The following C8orf34 variants were observed in gnomAD, a reference collection of about 807,000 sequenced individuals.
C8orf34 encodes chromosome 8 open reading frame 34.
In C8orf34, 65 loss-of-function variants were observed where a neutral mutation model predicts 68.3. The observed-to-expected ratio is 0.95, with a 90% CI of 0.78 to 1.17. The LOEUF (loss-of-function observed/expected upper bound fraction) is 1.17, where lower values mean the gene tolerates loss of function less well. Ranked by LOEUF, C8orf34 falls within the 50% of genes most tolerant of loss-of-function variation. The pLI is 0.00. For missense variants in C8orf34, 664 were observed against 655.4 expected (o/e 1.01, Z -0.14); for synonymous variants, 244 against 241.2 (o/e 1.01, Z -0.11).
chr8:68,813,999 G>A (rs1563684486), intron 12 of C8orf34, among the ~76,000 whole-genome samples: 2 of 152,138 alleles, frequency 1.3e-5, no homozygotes, highest in South Asian at 2.1e-4. Flanking sequence ...TCTGCTATCT[G>A]TCACAAACCT....
At chr8:68,465,536 G>T (rs1418897717) in intron 3 of C8orf34, among the ~76,000 whole-genome samples, 1 of 152,044 alleles carries the variant, frequency 6.6e-6, no homozygotes, top group Non-Finnish European at 1.5e-5. Flanking sequence ...CAATAGCAAA[G>T]TCTTGGAACC....
At chr8:68,519,455 G>C (rs1332093366) in intron 5 of C8orf34, among the ~76,000 whole-genome samples, 2 of 152,122 alleles carry the variant, frequency 1.3e-5, no homozygotes, top group Non-Finnish European at 2.9e-5. Context: ...TATTTTAAAA[G>C]CCTGCAAAGC....
At chr8:68,773,786 G>A (rs1304022044) in intron 10 of C8orf34, among the ~76,000 whole-genome samples, 1 of 152,088 alleles carries the variant, frequency 6.6e-6, no homozygotes, top group African/African-American at 2.4e-5. Context: ...TATGGCCCTT[G>A]AAACAAATGG....
intron 1 of C8orf34, among the ~76,000 whole-genome samples, chr8:68,367,643 A>C (rs1177575648): frequency 7.2e-6 from 1 of 139,574 alleles, no homozygotes; most frequent in South Asian, 2.4e-4. Flanking sequence ...GTAAACTATC[A>C]CAAGAACAAA....
chr8:68,811,410 C>G (rs1435715278), intron 12 of C8orf34, among the ~76,000 whole-genome samples: 1 of 152,238 alleles, frequency 6.6e-6, no homozygotes, highest in African/African-American at 2.4e-5. Context: ...CGTGACTGAA[C>G]AGCTGCACCT....
intron 8 of C8orf34, among the ~76,000 whole-genome samples, chr8:68,693,399 G>C (rs759888113): frequency 2.0e-5 from 3 of 152,002 alleles, no homozygotes; most frequent in Non-Finnish European, 4.4e-5. Flanking sequence ...CTACTTACTA[G>C]GTATATAACT....
intron 8 of C8orf34, among the ~76,000 whole-genome samples, chr8:68,668,665 A>G (rs953789773): frequency 1.3e-5 from 2 of 152,202 alleles, no homozygotes; most frequent in Admixed American, 6.5e-5. Context: ...CAGAGCTGAC[A>G]TTAAGATGGA....
chr8:68,814,479 C>T (rs1242554648), intron 12 of C8orf34, among the ~76,000 whole-genome samples: 5 of 152,190 alleles, frequency 3.3e-5, no homozygotes, highest in Non-Finnish European at 7.4e-5. Context: ...TAACAATTCA[C>T]CAAGTTCTCC....
intron 7 of C8orf34, among the ~76,000 whole-genome samples, chr8:68,588,152 T>G (rs2130403812): frequency 6.6e-6 from 1 of 152,220 alleles, no homozygotes; most frequent in Admixed American, 6.5e-5. Flanking sequence ...CATCCAAAAT[T>G]TTGAGCGCAT....
At chr8:68,817,732 G>T (rs1435325271) in intron 13 of C8orf34, among the ~76,000 whole-genome samples, 2 of 152,144 alleles carry the variant, frequency 1.3e-5, no homozygotes, top group Non-Finnish European at 2.9e-5. Context: ...AAGAAAAGAG[G>T]TTTAAGTGCC....
intron 1 of C8orf34, among the ~76,000 whole-genome samples, chr8:68,371,843 C>T (rs1807578479): frequency 6.6e-6 from 1 of 152,088 alleles, no homozygotes; most frequent in Non-Finnish European, 1.5e-5. Flanking sequence ...CATGATCAGC[C>T]TGCCTCAGCC....
Position 68,515,866 on chromosome 8 carries a change from G to A in C8orf34, c.766-5933G>A, listed in dbSNP as rs186009566. On this transcript the variant is annotated intron_variant, in intron 5 of 13. Transcript: ENST00000518698. Reference sequence around the variant, plus strand: ...CACAAATTGTACTATGTATGAATCAGTTCACACTAATTATTACAAAGAATA... The same window carrying A: ...CACAAATTGTACTATGTATGAATCAATTCACACTAATTATTACAAAGAATA... 3.9e-5 allele frequency among the ~76,000 whole-genome samples: 6 copies of A among 152,336 alleles called. No homozygotes were observed. In the East Asian group the frequency reaches 1.2e-3, roughly 29 times the overall value.
chr8:68,526,813 A>C (rs925298292), intron 6 of C8orf34, among the ~76,000 whole-genome samples: 3 of 152,188 alleles, frequency 2.0e-5, no homozygotes, highest in Admixed American at 2.0e-4. Context: ...AGATCAAACT[A>C]AATGTTTACC....
intron 12 of C8orf34, among the ~76,000 whole-genome samples, chr8:68,794,154 T>C (rs961793355): frequency 2.0e-4 from 31 of 151,732 alleles, no homozygotes; most frequent in Admixed American, 3.9e-4. Context: ...GATTTCGGAA[T>C]TTTTTTTCTG....
intron 8 of C8orf34, among the ~76,000 whole-genome samples, chr8:68,707,636 C>T (rs920173352): frequency 3.9e-5 from 6 of 151,912 alleles, no homozygotes; most frequent in Non-Finnish European, 7.4e-5. Flanking sequence ...AGTGCAGTGG[C>T]GTGATCATGG....
chr8:68,776,218 T>C (rs1823511505), intron 10 of C8orf34, among the ~76,000 whole-genome samples, 181 bp from the exon 11 acceptor site: 1 of 152,204 alleles, frequency 6.6e-6, no homozygotes, highest in South Asian at 2.1e-4. Flanking sequence ...TTGCAAAAAC[T>C]CTTTTCTTTT....
intron 12 of C8orf34, among the ~76,000 whole-genome samples, chr8:68,815,627 T>TG (rs1824787070): frequency 1.3e-5 from 2 of 152,060 alleles, no homozygotes; most frequent in East Asian, 1.9e-4. Flanking sequence ...GAACACTATC[T>TG]GGAGGGGCAT....
At chr8:68,587,824 A>G (rs910241510) in intron 7 of C8orf34, among the ~76,000 whole-genome samples, 1 of 152,122 alleles carries the variant, frequency 6.6e-6, no homozygotes, top group Non-Finnish European at 1.5e-5. Context: ...GGCTGTTTAA[A>G]TAGGAGAAAG....
At chr8:68,777,709 G>T (rs1029671867) in intron 11 of C8orf34, among the ~76,000 whole-genome samples, 1 of 152,080 alleles carries the variant, frequency 6.6e-6, no homozygotes, top group Non-Finnish European at 1.5e-5. Flanking sequence ...CTTTTCCAAC[G>T]TTCTTTCTAG....
Sources: allele counts gnomAD v4.1 joint callset (sites outside exome capture counted in the v4.1 genomes callset), GRCh38; gene constraint gnomAD v4.1.1; transcripts MANE v1.5; gene names NCBI Gene and HGNC (gene_info 2026-07-23, HGNC 2026-07-21).